ZEB2: variants seen among roughly 807,000 people sequenced by gnomAD.
ZEB2 encodes zinc finger E-box-binding homeobox 2.
Under a neutral mutation model 99.9 loss-of-function variants are expected in ZEB2, and 6 were observed. That is an observed-to-expected ratio of 0.06 (90% confidence interval 0.03 to 0.12). ZEB2 has a LOEUF of 0.12. Ranked by LOEUF, ZEB2 falls within the 10% of genes least tolerant of loss-of-function variation. The pLI, the probability that ZEB2 is intolerant of heterozygous loss-of-function variation, is 1.00. For missense variants in ZEB2, 969 were observed against 1,502.8 expected, an observed-to-expected ratio of 0.64 and a Z score of 5.87; for synonymous variants, 517 against 542.5, an observed-to-expected ratio of 0.95 and a Z score of 0.65.
intron 2 of ZEB2, chr2:144,461,878 T>C (rs1704199231): frequency 6.6e-6 from 1 of 152,186 alleles, no homozygotes; most frequent in Non-Finnish European, 1.5e-5. Context: ...TGGTAACATA[T>C]GCTAAAAATT....
chr2:144,402,221 A>G (rs1401617852), intron 6 of ZEB2, among the ~76,000 whole-genome samples: 1 of 152,246 alleles, frequency 6.6e-6, no homozygotes, highest in Non-Finnish European at 1.5e-5. Context: ...AAATGCAGTC[A>G]TCCACTCTGG....
chr2:144,495,236 G>A (rs1325040080), intron 2 of ZEB2: 1 of 152,142 alleles, frequency 6.6e-6, no homozygotes, highest in Non-Finnish European at 1.5e-5. Context: ...AAACAATTGA[G>A]AAATGAAAAC....
chr2:144,431,350 C>T (rs1404093136), intron 2 of ZEB2, among the ~76,000 whole-genome samples: 1 of 151,970 alleles, frequency 6.6e-6, no homozygotes, highest in Non-Finnish European at 1.5e-5. Context: ...TATCTGTTTG[C>T]TTTGACAGGT....
chr2:144,458,911 G>A (rs1033996561), intron 2 of ZEB2, among the ~76,000 whole-genome samples: 4 of 152,144 alleles, frequency 2.6e-5, no homozygotes, highest in Non-Finnish European at 5.9e-5. Context: ...GATAAAAGAC[G>A]TAAGCTCGGA....
chr2:144,501,903 T>C (rs1213543485), intron 2 of ZEB2, among the ~76,000 whole-genome samples: 1 of 152,228 alleles, frequency 6.6e-6, no homozygotes, highest in Non-Finnish European at 1.5e-5. Flanking sequence ...AGCAAGTGTC[T>C]TTCTCATGCC....
rs571063956 is a variant in ZEB2 at position 144,386,113 on chromosome 2, T to A, written c.*3338A>T. The A allele has an allele frequency of 1.3e-5, 2 of 152,300 alleles. No individual in the cohort carries two copies. Among genetic ancestry groups the A allele is most frequent in the Admixed American group, 1.3e-4 (2 of 15,286 alleles). 9.4% of individuals were successfully genotyped at this position (152,300 alleles called of 1,614,324 possible). A position where few individuals can be genotyped will look rare whatever the true frequency, so the allele number is the denominator to read the frequency against. ...CTCTTGGAGAAAATGGGCAGGGGTG[T>A]TCAGTTGTTCCAGTGTTTCCTCATC... is the stretch of plus-strand genomic sequence containing the variant. On this transcript the variant is annotated 3_prime_UTR_variant, in exon 10 of 10. Transcript: ENST00000627532.
chr2:144,407,368 C>T (rs578084806), intron 4 of ZEB2, among the ~76,000 whole-genome samples: 1 of 152,246 alleles, frequency 6.6e-6, no homozygotes, highest in Admixed American at 6.5e-5. Flanking sequence ...AGAATATGGG[C>T]TTTAGATAAG....
intron 4 of ZEB2, among the ~76,000 whole-genome samples, chr2:144,419,516 G>A (rs1703591091): frequency 6.6e-6 from 1 of 152,148 alleles, no homozygotes; most frequent in Non-Finnish European, 1.5e-5. Context: ...ATATTGATAT[G>A]CACGTGGAAC....
At chr2:144,421,063 A>C (rs1350533350) in intron 4 of ZEB2, among the ~76,000 whole-genome samples, 4 of 152,210 alleles carry the variant, frequency 2.6e-5, no homozygotes, top group African/African-American at 4.8e-5. Flanking sequence ...TGACTGGAAT[A>C]ATGGAGAGAT....
intron 2 of ZEB2, among the ~76,000 whole-genome samples, chr2:144,448,393 C>T (rs897708339): frequency 2.6e-5 from 4 of 152,266 alleles, no homozygotes; most frequent in African/African-American, 7.2e-5. Flanking sequence ...AAATGCTAAA[C>T]GTTCAAGATG....
At chr2:144,488,887 A>G (rs1455038833) in intron 2 of ZEB2, among the ~76,000 whole-genome samples, 2 of 152,188 alleles carry the variant, frequency 1.3e-5, no homozygotes, top group Non-Finnish European at 2.9e-5. Flanking sequence ...CTCTTTAGAA[A>G]GTGTTGTTCT....
intron 3 of ZEB2, chr2:144,428,674 C>T (rs1703722595): frequency 6.6e-6 from 1 of 152,154 alleles, no homozygotes; most frequent in South Asian, 2.1e-4. Context: ...TTTCATCTCA[C>T]ATTTAATTTT....
chr2:144,441,333 G>A (rs1573753569), intron 2 of ZEB2, among the ~76,000 whole-genome samples: 1 of 152,084 alleles, frequency 6.6e-6, no homozygotes, highest in South Asian at 2.1e-4. Flanking sequence ...GCCTAAGCCT[G>A]GACGTGGCAA....
intron 2 of ZEB2, among the ~76,000 whole-genome samples, chr2:144,471,181 C>T (rs559491259): frequency 2.0e-5 from 3 of 152,160 alleles, no homozygotes; most frequent in Non-Finnish European, 2.9e-5. Context: ...GAATATTTAG[C>T]GACAGGACAT....
chr2:144,401,762 A>G (rs1703314500), intron 6 of ZEB2, among the ~76,000 whole-genome samples: 2 of 152,208 alleles, frequency 1.3e-5, no homozygotes, highest in African/African-American at 4.8e-5. Flanking sequence ...ATTTTTTTGT[A>G]TCAGCATAAA....
At chr2:144,490,729 TC>T (rs1704665760) in intron 2 of ZEB2, among the ~76,000 whole-genome samples, 1 of 152,198 alleles carries the variant, frequency 6.6e-6, no homozygotes, top group Non-Finnish European at 1.5e-5. Flanking sequence ...GACAAGTTCA[TC>T]ATCTTCCTAT....
chr2:144,482,356 C>G (rs1050549511), intron 2 of ZEB2: 7 of 152,170 alleles, frequency 4.6e-5, no homozygotes, highest in African/African-American at 1.7e-4. Flanking sequence ...TCCACCCATG[C>G]CTTCTTTCCT....
chr2:144,401,629 C>T (rs1452663980), intron 6 of ZEB2, among the ~76,000 whole-genome samples: 1 of 152,084 alleles, frequency 6.6e-6, no homozygotes, highest in Non-Finnish European at 1.5e-5. Context: ...TTCGTGTTTA[C>T]CACAAATTCT....
chr2:144,395,504 CTT>C (rs1220939618), intron 9 of ZEB2, among the ~76,000 whole-genome samples: 16 of 151,956 alleles, frequency 1.1e-4, no homozygotes, highest in African/African-American at 3.9e-4. Context: ...AGATCCTACA[CTT>C]TTTCCCCCCC....
Sources: gnomAD v4.1 joint callset for allele counts (sites outside exome capture counted in the v4.1 genomes callset) on GRCh38, gnomAD v4.1.1 for gene constraint, MANE v1.5 for transcripts, NCBI Gene and HGNC (gene_info 2026-07-23, HGNC 2026-07-21) for gene names.